MMP16: variants seen among roughly 807,000 people sequenced by gnomAD.
MMP16 encodes matrix metallopeptidase 16.
A neutral mutation model predicts 67.8 loss-of-function variants in MMP16; 12 were observed. That is an observed-to-expected ratio of 0.18 (90% CI 0.11 to 0.29). The LOEUF (loss-of-function observed/expected upper bound fraction) is 0.29. Among genes scored for constraint, MMP16 ranks in the 10% least tolerant of loss-of-function variants. The pLI, the probability that MMP16 is intolerant of heterozygous loss-of-function variation, is 1.00. For synonymous variants in MMP16, 249 were observed against 255.9 expected (o/e 0.97, Z 0.26); for missense variants, 475 against 765.7 (o/e 0.62, Z 4.48).
chr8:88,244,983 A>G (rs1262366974), intron 1 of MMP16, among the ~76,000 whole-genome samples: 1 of 152,106 alleles, frequency 6.6e-6, no homozygotes, highest in African/African-American at 2.4e-5. Flanking sequence ...GCACCAATAC[A>G]TAGAAATTGA....
intron 4 of MMP16, among the ~76,000 whole-genome samples, chr8:88,165,269 CTTCAATAT>C (rs1207640368): frequency 2.0e-5 from 3 of 150,438 alleles, no homozygotes; most frequent in African/African-American, 7.3e-5. Flanking sequence ...TCATGGAGGA[CTTCAATAT>C]TTTAAGACAA....
intron 1 of MMP16, among the ~76,000 whole-genome samples, chr8:88,240,011 C>T (rs1350809172): frequency 6.6e-6 from 1 of 152,218 alleles, no homozygotes; most frequent in Non-Finnish European, 1.5e-5. Flanking sequence ...TGAGGTCTGC[C>T]TTCAGAGGCC....
intron 6 of MMP16, among the ~76,000 whole-genome samples, chr8:88,110,596 C>T (rs921137887): frequency 3.6e-4 from 54 of 151,444 alleles, no homozygotes; most frequent in Non-Finnish European, 1.2e-4. Flanking sequence ...AAGTAATTTT[C>T]GATTACACTG....
intron 1 of MMP16, among the ~76,000 whole-genome samples, chr8:88,277,107 A>G (rs1810660855): frequency 6.6e-6 from 1 of 152,192 alleles, no homozygotes; most frequent in Non-Finnish European, 1.5e-5. Context: ...AGTGAAAATA[A>G]CATATGCAAT....
chr8:88,059,037 T>G (rs1343861582), intron 7 of MMP16, among the ~76,000 whole-genome samples: 2 of 152,068 alleles, frequency 1.3e-5, no homozygotes, highest in Non-Finnish European at 2.9e-5. Context: ...AAGACAAGAC[T>G]AAAGGTGAAT....
chr8:88,315,730 G>A (rs1811366926), intron 1 of MMP16, among the ~76,000 whole-genome samples: 1 of 152,042 alleles, frequency 6.6e-6, no homozygotes, highest in African/African-American at 2.4e-5. Context: ...TTCTACAACG[G>A]CCTATAAATG....
intron 1 of MMP16, among the ~76,000 whole-genome samples, chr8:88,275,174 G>T (rs1008888466): frequency 8.6e-5 from 13 of 151,896 alleles, no homozygotes; most frequent in African/African-American, 1.9e-4. Flanking sequence ...GGATCAAATT[G>T]CAGCTTTATC....
intron 1 of MMP16, among the ~76,000 whole-genome samples, chr8:88,204,911 T>A (rs1057295090): frequency 3.3e-5 from 5 of 152,182 alleles, no homozygotes; most frequent in Non-Finnish European, 1.5e-5. Flanking sequence ...GCTGCCCGTA[T>A]CCTACAGAAA....
chr8:88,303,504 G>C (rs1811164288), intron 1 of MMP16, among the ~76,000 whole-genome samples: 1 of 152,214 alleles, frequency 6.6e-6, no homozygotes. Context: ...TGTTCCTCCT[G>C]ACTGGGCGTG....
At chr8:88,094,442 G>A (rs1808992348) in intron 6 of MMP16, among the ~76,000 whole-genome samples, 1 of 151,394 alleles carries the variant, frequency 6.6e-6, no homozygotes. Context: ...TAAATAAGAT[G>A]GGCTATTGCT....
At chr8:88,241,775 T>C (rs539634170) in intron 1 of MMP16, among the ~76,000 whole-genome samples, 10 of 152,190 alleles carry the variant, frequency 6.6e-5, no homozygotes, top group African/African-American at 1.9e-4. Flanking sequence ...TTCTGATACA[T>C]GTGTAATGAT....
At chr8:88,162,963 A>T (rs535848431) in intron 4 of MMP16, among the ~76,000 whole-genome samples, 1 of 152,188 alleles carries the variant, frequency 6.6e-6, no homozygotes, top group African/African-American at 2.4e-5. Flanking sequence ...GTGTGAGAAC[A>T]GACTAATGCA....
At chr8:88,082,798 T>G (rs1025719256) in intron 6 of MMP16, among the ~76,000 whole-genome samples, 1 of 151,662 alleles carries the variant, frequency 6.6e-6, no homozygotes, top group Non-Finnish European at 1.5e-5. Context: ...TTTTATTAAA[T>G]TTTGTGTCAG....
At chr8:88,215,333 A>G (rs1809574318) in intron 1 of MMP16, among the ~76,000 whole-genome samples, 2 of 151,904 alleles carry the variant, frequency 1.3e-5, no homozygotes, top group South Asian at 2.1e-4. Flanking sequence ...AAAAAAAAAA[A>G]GTAGCAACTG....
intron 4 of MMP16, among the ~76,000 whole-genome samples, chr8:88,157,779 G>A (rs937107234): frequency 1.3e-5 from 2 of 151,904 alleles, no homozygotes; most frequent in East Asian, 1.9e-4. Flanking sequence ...CCATTAACTC[G>A]TCATTTACAT....
At chr8:88,308,840 A>C (rs961355577) in intron 1 of MMP16, among the ~76,000 whole-genome samples, 1 of 152,068 alleles carries the variant, frequency 6.6e-6, no homozygotes, top group Non-Finnish European at 1.5e-5. Flanking sequence ...GCCAATTTTA[A>C]TATATACAGA....
chr8:88,073,653 A>C (rs1808599136), intron 7 of MMP16, among the ~76,000 whole-genome samples: 1 of 152,268 alleles, frequency 6.6e-6, no homozygotes, highest in Middle Eastern at 3.4e-3. Context: ...CTCACTTTAA[A>C]TATTACAAGT....
chr8:88,088,416 A>G (rs781175921), intron 6 of MMP16, among the ~76,000 whole-genome samples: 3 of 151,896 alleles, frequency 2.0e-5, no homozygotes, highest in African/African-American at 4.8e-5. Flanking sequence ...AAGGAACACA[A>G]AGTTACTTGT....
At chr8:88,295,815 A>G (rs924283988) in intron 1 of MMP16, among the ~76,000 whole-genome samples, 7 of 152,306 alleles carry the variant, frequency 4.6e-5, no homozygotes, top group African/African-American at 1.7e-4. Flanking sequence ...TGAAGCACAG[A>G]TGGTAGGTAA....
Sources: gnomAD v4.1 joint callset for allele counts (sites outside exome capture counted in the v4.1 genomes callset) on GRCh38, gnomAD v4.1.1 for gene constraint, MANE v1.5 for transcripts, NCBI Gene and HGNC (gene_info 2026-07-23, HGNC 2026-07-21) for gene names.